The following COMMD2 variants were observed in gnomAD, a reference collection of about 807,000 sequenced individuals.
The protein encoded by COMMD2 is COMM domain containing 2, also known as COMM domain-containing protein 2.
A neutral mutation model predicts 22.5 loss-of-function variants in COMMD2; 25 were observed. The observed-to-expected ratio is 1.11, with a 90% CI of 0.81 to 1.55. The LOEUF (loss-of-function observed/expected upper bound fraction) is 1.55, where lower values mean the gene tolerates loss of function less well. Ranked by LOEUF, COMMD2 falls within the 40% of genes most tolerant of loss-of-function variation. COMMD2 has a pLI of 0.00. For synonymous variants in COMMD2, 98 were observed against 91.2 expected, an observed-to-expected ratio of 1.07 and a Z score of -0.42; for missense variants, 223 against 232.9, an observed-to-expected ratio of 0.96 and a Z score of 0.28.
intron 4 of COMMD2, among the ~76,000 whole-genome samples, chr3:149,749,836 T>C (rs892835795): frequency 1.3e-5 from 2 of 152,218 alleles, no homozygotes; most frequent in African/African-American, 4.8e-5. Context: ...GTCATCTTCA[T>C]TCATATAATT....
chr3:149,740,045 T>G lies in COMMD2; in HGVS notation c.*1476A>C, dbSNP rs998209765. ...TACGAAGCAAAGTATTGACAAAGTC[T>G]AGAGCGCAGTTTAGAGTTTGATTGC... On this transcript the variant is annotated 3_prime_UTR_variant, in exon 5 of 5. Coordinates refer to ENST00000473414, the MANE Select transcript of COMMD2 (RefSeq NM_016094.4). 1.3e-5 allele frequency: 2 copies of G among 152,244 alleles called. No individual in the cohort carries two copies. The highest frequency in any genetic ancestry group is 4.8e-5 in the African/African-American group (2 of 41,460). 9.4% of individuals were successfully genotyped at this position (152,244 alleles called of 1,614,324 possible). A position where few individuals can be genotyped will look rare whatever the true frequency, so the allele number is the denominator to read the frequency against.
chr3:149,746,766 A>G (rs1716383036), intron 4 of COMMD2, among the ~76,000 whole-genome samples: 1 of 152,224 alleles, frequency 6.6e-6, no homozygotes, highest in Admixed American at 6.5e-5. Context: ...CTGGCTACAC[A>G]GCGAGACTCT....
Position 149,738,876 on chromosome 3 carries a change from G to A in COMMD2, c.*2645C>T, listed in dbSNP as rs373209023. On this transcript the variant is annotated 3_prime_UTR_variant, in exon 5 of 5. Transcript: ENST00000473414. ...TTATAGCATCTTCACCACCTTTCCC[G>A]TTTACTGTCTTAAATGTGCCCAATC... is the stretch of plus-strand genomic sequence containing the variant. 1.3e-5 allele frequency: 2 copies of A among 151,866 alleles called. No individual in the cohort carries two copies. The allele number at this position is 151,866 out of a possible 1,614,324, so 9.4% of individuals were successfully genotyped here.
At chr3:149,743,254 A>G (rs769410152) in intron 4 of COMMD2, among the ~76,000 whole-genome samples, 5 of 152,208 alleles carry the variant, frequency 3.3e-5, no homozygotes, top group Non-Finnish European at 7.3e-5. Flanking sequence ...ATAAACAATG[A>G]CCAACTTCAA....
chr3:149,740,761 G>C lies in COMMD2; in HGVS notation c.*760C>G, dbSNP rs966641849. The C allele has an allele frequency of 1.3e-5, 2 of 152,032 alleles. No individual in the cohort carries two copies. The highest frequency in any genetic ancestry group is 4.8e-5 in the African/African-American group (2 of 41,412). 9.4% of individuals were successfully genotyped at this position (152,032 alleles called of 1,614,324 possible). A position where few individuals can be genotyped will look rare whatever the true frequency, so the allele number is the denominator to read the frequency against. The stretch of plus-strand genomic sequence containing the variant: ...CTGCATAGTAGTAGTATTACATTGT[G>C]AATTTTATTTTCAAATTTGATCAAT... On this transcript the variant is annotated 3_prime_UTR_variant, in exon 5 of 5. Transcript: ENST00000473414.
intron 4 of COMMD2, 192 bp downstream of exon 4, chr3:149,750,486 C>T (rs1559856073): frequency 7.2e-6 from 4 of 557,842 alleles, no homozygotes; most frequent in East Asian, 6.2e-5. Context: ...ACAAACTTTG[C>T]AAATTAAACT....
At chr3:149,750,559 T>G in intron 4 of COMMD2, 119 bp downstream of exon 4, 1 of 673,442 alleles carries the variant, frequency 1.5e-6, no homozygotes. Flanking sequence ...AAAATGAACA[T>G]TAAAAAAACA....
At chr3:149,746,967 C>T (rs1273726709) in intron 4 of COMMD2, among the ~76,000 whole-genome samples, 1 of 152,160 alleles carries the variant, frequency 6.6e-6, no homozygotes, top group Non-Finnish European at 1.5e-5. Flanking sequence ...TGAGAACTCA[C>T]TATCACAAGA....
intron 4 of COMMD2, among the ~76,000 whole-genome samples, chr3:149,749,804 G>GCA (rs1716481238): frequency 6.6e-6 from 1 of 152,022 alleles, no homozygotes; most frequent in African/African-American, 2.4e-5. Flanking sequence ...TGTTGTTGTT[G>GCA]TTGTTTTTGT....
In COMMD2 at chr3:149,741,225, C is replaced by A. The variant is rs1576657197; in HGVS notation, c.*296G>T. The A allele has an allele frequency of 3.5e-6, 1 of 285,506 alleles. No individual in the cohort carries two copies. The highest frequency in any genetic ancestry group is 6.9e-6 in the Non-Finnish European group (1 of 145,390). 17.7% of individuals were successfully genotyped at this position (285,506 alleles called of 1,614,324 possible). On this transcript the variant is annotated 3_prime_UTR_variant, in exon 5 of 5. Transcript: ENST00000473414. The stretch of plus-strand genomic sequence containing the variant: ...ACTCTGATAGATGCGTGCCACCACA[C>A]CTGGCTAATTTTTTATATTTTTAGT...
In COMMD2 at chr3:149,739,214, C is replaced by G. The variant is rs2108246507; in HGVS notation, c.*2307G>C. The G allele has an allele frequency of 6.6e-6, 1 of 152,216 alleles. No homozygotes were observed. Among genetic ancestry groups the G allele is most frequent in the South Asian group, 2.1e-4 (1 of 4,824 alleles). 9.4% of individuals were successfully genotyped at this position (152,216 alleles called of 1,614,324 possible). A position where few individuals can be genotyped will look rare whatever the true frequency, so the allele number is the denominator to read the frequency against. On this transcript the variant is annotated 3_prime_UTR_variant, in exon 5 of 5. Transcript: ENST00000473414. Reference sequence around the variant, plus strand: ...TGGGTCATACTGGAGAGAACAGTGACTACCTCTAAAGAAAATTATGTTCAT... The same window carrying G: ...TGGGTCATACTGGAGAGAACAGTGAGTACCTCTAAAGAAAATTATGTTCAT...
rs1716190143 is a variant in COMMD2, at chr3:149,740,805, A to C, written c.*716T>G. ...GATCAATAAAGATGAAAATAATAAA[A>C]TTAAGCAGTCAAAAGAAGTAGCAAA... is the stretch of plus-strand genomic sequence containing the variant. On this transcript the variant is annotated 3_prime_UTR_variant, in exon 5 of 5. Transcript: ENST00000473414. 2 of 152,486 alleles carry C rather than the reference A, an allele frequency of 1.3e-5. No individual in the cohort carries two copies. The highest frequency in any genetic ancestry group is 1.3e-4 in the Admixed American group (2 of 15,280). 9.4% of individuals were successfully genotyped at this position (152,486 alleles called of 1,614,324 possible).
In COMMD2 at chr3:149,740,657, A is replaced by T. The variant is rs547788533; in HGVS notation, c.*864T>A. ...ATAACAATATAGCATTAAAAATCCT[A>T]TTGATGTTCAATATTCTGTGGCTAT... On this transcript the variant is annotated 3_prime_UTR_variant, in exon 5 of 5. Coordinates refer to ENST00000473414, the MANE Select transcript of COMMD2 (RefSeq NM_016094.4). 2.0e-5 allele frequency: 3 copies of T among 152,316 alleles called. No homozygotes were observed. The highest frequency in any genetic ancestry group is 6.5e-5 in the Admixed American group (1 of 15,290). The allele number at this position is 152,316 out of a possible 1,614,324, so 9.4% of individuals were successfully genotyped here. A position where few individuals can be genotyped will look rare whatever the true frequency, so the allele number is the denominator to read the frequency against.
rs1033958889 is a variant in COMMD2 at position 149,740,267 on chromosome 3, C to T, written c.*1254G>A. 1.3e-5 allele frequency: 2 copies of T among 152,112 alleles called. No individual in the cohort carries two copies. Among genetic ancestry groups the T allele is most frequent in the Non-Finnish European group, 2.9e-5 (2 of 68,016 alleles). 9.4% of individuals were successfully genotyped at this position (152,112 alleles called of 1,614,324 possible). ...CAGACCAAAAGCTTTTGGTTCCCTA[C>T]TAAAAAATAAAACAAAACATAAATC... On this transcript the variant is annotated 3_prime_UTR_variant, in exon 5 of 5. Coordinates refer to ENST00000473414, the MANE Select transcript of COMMD2 (RefSeq NM_016094.4).
rs1251046102 is a variant in COMMD2 at position 149,741,596 on chromosome 3, C to A, written c.525G>T (p.Leu175Phe). The A allele has an allele frequency of 6.2e-6, 10 of 1,613,860 alleles. No homozygotes were observed. Among genetic ancestry groups the A allele is most frequent in the Non-Finnish European group, 8.5e-6 (10 of 1,180,010 alleles). ...CCAATGCTTGTTCCAGTTGTTGAAC[C>A]AAATGGAGCAGGGTGGCTGGGTCTG... Reference protein sequence around the residue: ...LQTDPATLLHLVQQLEQALEE... With the variant: ...LQTDPATLLHFVQQLEQALEE... The change falls in exon 5 of 5, where the codon TTG (leucine) becomes TTT (phenylalanine). Residue 175 changes from leucine (L) to phenylalanine (F), a missense_variant. Physicochemically the swap from Leu to Phe is conservative, Grantham distance 22. Coordinates refer to ENST00000473414, the MANE Select transcript of COMMD2 (RefSeq NM_016094.4).
chr3:149,741,829 C>T lies in COMMD2; in HGVS notation c.403-111G>A, dbSNP rs141852293. On this transcript the variant is annotated intron_variant, in intron 4 of 4. Coordinates refer to ENST00000473414, the MANE Select transcript of COMMD2 (RefSeq NM_016094.4). The stretch of plus-strand genomic sequence containing the variant: ...CAAAAATTAAGTTTCAGATGAATTA[C>T]AGACTTCAAAATGAAAAGTAAACTT... The T allele has an allele frequency of 6.2e-5, 50 of 811,850 alleles. No individual in the cohort carries two copies. The African/African-American group carries it at 7.9e-4, about 13-fold the overall frequency. The allele number at this position is 811,850 out of a possible 1,614,324, so 50.3% of individuals were successfully genotyped here.
At chr3:149,749,127 G>A (rs1381466793) in intron 4 of COMMD2, among the ~76,000 whole-genome samples, 1 of 151,586 alleles carries the variant, frequency 6.6e-6, no homozygotes, top group Non-Finnish European at 1.5e-5. Flanking sequence ...CGATTCTCCT[G>A]CCTCAGCCTC....
chr3:149,739,299 AG>A lies in COMMD2; in HGVS notation c.*2221del, dbSNP rs1475572508. Reference sequence around the variant, plus strand: ...AACAAACAATGCAGGGGAATCCACAAGGATGTGGAATGTTTGAGCAAAAAAA... The same window carrying A: ...AACAAACAATGCAGGGGAATCCACAAGATGTGGAATGTTTGAGCAAAAAAA... On this transcript the variant is annotated 3_prime_UTR_variant, in exon 5 of 5. Transcript: ENST00000473414. The A allele has an allele frequency of 6.6e-6, 1 of 152,198 alleles. No individual in the cohort carries two copies. Among genetic ancestry groups the A allele is most frequent in the Non-Finnish European group, 1.5e-5 (1 of 68,024 alleles). The allele number at this position is 152,198 out of a possible 1,614,324, so 9.4% of individuals were successfully genotyped here.
In COMMD2 at chr3:149,750,861, T is replaced by A. The variant is rs1421942175; in HGVS notation, c.229-10A>T. On this transcript the variant is annotated splice_polypyrimidine_tract_variant and intron_variant, in intron 3 of 4. Transcript: ENST00000473414. ...AATCCAGTTCAGAAATCTAAGTGAA[T>A]TGAGTTTAAAAGAACATCAAAATTT... 4.5e-6 allele frequency: 7 copies of A among 1,538,588 alleles called. No homozygotes were observed. Among genetic ancestry groups the A allele is most frequent in the Non-Finnish European group, 5.3e-6 (6 of 1,134,514 alleles).
Sources: gnomAD v4.1 joint callset for allele counts (sites outside exome capture counted in the v4.1 genomes callset) on GRCh38, gnomAD v4.1.1 for gene constraint, MANE v1.5 for transcripts, NCBI Gene and HGNC (gene_info 2026-07-23, HGNC 2026-07-21) for gene names.